Variants in PTPRC observed in about 807,000 individuals in gnomAD.
PTPRC encodes the protein receptor-type tyrosine-protein phosphatase C.
PTPRC carries 44 observed loss-of-function variants against 155.9 expected under a neutral mutation model. The observed-to-expected ratio is 0.28, with a 90% CI of 0.22 to 0.36. The LOEUF is 0.36. Among genes scored for constraint, PTPRC ranks in the 10% least tolerant of loss-of-function variants. The pLI, the probability that PTPRC is intolerant of heterozygous loss-of-function variation, is 1.00. For synonymous variants in PTPRC, 525 were observed against 533.1 expected (o/e 0.98, Z 0.21); for missense variants, 1,401 against 1,564.6 (o/e 0.90, Z 1.76).
chr1:198,680,591 A>G (rs775964387), intron 2 of PTPRC, among the ~76,000 whole-genome samples: 17 of 152,184 alleles, frequency 1.1e-4, no homozygotes, highest in Non-Finnish European at 2.4e-4. Flanking sequence ...TTAACAGGAA[A>G]GAGACACATC....
chr1:198,716,549 A>T (rs1247016390), intron 12 of PTPRC, 133 bp from the exon 13 acceptor site: 2 of 733,898 alleles, frequency 2.7e-6, no homozygotes, highest in East Asian at 5.2e-5. Context: ...AGTATCAAGG[A>T]TGTACTTATT....
chr1:198,729,769 A>G (rs895628278), intron 17 of PTPRC, among the ~76,000 whole-genome samples: 3 of 152,196 alleles, frequency 2.0e-5, no homozygotes, highest in African/African-American at 7.2e-5. Flanking sequence ...TATGACGGTA[A>G]TTTGATACAT....
intron 2 of PTPRC, among the ~76,000 whole-genome samples, chr1:198,685,066 G>A (rs72738035): frequency 0.013 from 1,986 of 152,088 alleles, 22 homozygotes; most frequent in Non-Finnish European, 0.016. Flanking sequence ...TATATCAAAT[G>A]AACTGCATGT....
chr1:198,688,097 GTC>G (rs1458855672), intron 2 of PTPRC, among the ~76,000 whole-genome samples: 1 of 151,460 alleles, frequency 6.6e-6, no homozygotes, highest in Non-Finnish European at 1.5e-5. Flanking sequence ...GTGTGTGTGT[GTC>G]TGTGTGTGTG....
intron 32 of PTPRC, 94 bp from the exon 33 acceptor site, chr1:198,755,812 C>A (rs959187222): frequency 2.6e-5 from 35 of 1,333,422 alleles, no homozygotes; most frequent in Non-Finnish European, 3.5e-5. Context: ...AATACTTCCA[C>A]AAATAAATCA....
chr1:198,675,464 GCTTGATC>G (rs1353137540), intron 2 of PTPRC, among the ~76,000 whole-genome samples: 11 of 151,934 alleles, frequency 7.2e-5, no homozygotes, highest in Admixed American at 5.9e-4. Context: ...TCTAATTTTA[GCTTGATC>G]TTCCCCCTGA....
intron 10 of PTPRC, 126 bp downstream of exon 10, chr1:198,708,387 T>C (rs1043818086): frequency 2.8e-5 from 26 of 930,658 alleles, no homozygotes; most frequent in Non-Finnish European, 3.0e-5. Context: ...TCTGTTTGTC[T>C]TTTTTCTTTC....
At chr1:198,670,206 A>G (rs1281967410) in intron 2 of PTPRC, among the ~76,000 whole-genome samples, 1 of 152,164 alleles carries the variant, frequency 6.6e-6, no homozygotes, top group South Asian at 2.1e-4. Context: ...AGTACTGAAT[A>G]TAAATGTTTC....
chr1:198,754,585 T>A, intron 32 of PTPRC, 181 bp downstream of exon 32: 1 of 720,716 alleles, frequency 1.4e-6, no homozygotes, highest in Non-Finnish European at 2.2e-6. Flanking sequence ...TAATTCACAT[T>A]AAATTATTAT....
intron 6 of PTPRC, among the ~76,000 whole-genome samples, 190 bp from the exon 7 acceptor site, chr1:198,703,108 G>A (rs1315542463): frequency 6.6e-6 from 1 of 152,130 alleles, no homozygotes; most frequent in African/African-American, 2.4e-5. Flanking sequence ...TTTATACAAT[G>A]TTTAGTTTAA....
In PTPRC at chr1:198,750,641, G is replaced by A. The variant is rs954766251; in HGVS notation, c.3207+15G>A. 1.2e-6 allele frequency: 2 copies of A among 1,611,704 alleles called. No homozygotes were observed. The highest frequency in any genetic ancestry group is 1.7e-6 in the Non-Finnish European group (2 of 1,178,460). ...ATGGAGACCAGGTTTGTACTTTTGAGGATTTTCTTTTAAGCCTTTCTGTCA... is the reference window on the plus strand; with the variant it reads ...ATGGAGACCAGGTTTGTACTTTTGAAGATTTTCTTTTAAGCCTTTCTGTCA... On this transcript the variant is annotated intron_variant, in intron 29 of 32. Coordinates refer to ENST00000442510, the MANE Select transcript of PTPRC (RefSeq NM_002838.5).
intron 2 of PTPRC, among the ~76,000 whole-genome samples, chr1:198,686,994 T>TTTG (rs71800427): frequency 3.4e-4 from 51 of 149,944 alleles, no homozygotes; most frequent in East Asian, 1.4e-3. Flanking sequence ...CAACCAATCT[T>TTTG]TTGTTGTTGT....
intron 11 of PTPRC, among the ~76,000 whole-genome samples, chr1:198,710,225 T>TCTTGC (rs1653223317): frequency 6.6e-6 from 1 of 152,212 alleles, no homozygotes; most frequent in Non-Finnish European, 1.5e-5. Context: ...CACTGAATAG[T>TCTTGC]CTTGCCATTC....
intron 11 of PTPRC, among the ~76,000 whole-genome samples, chr1:198,710,084 T>TA (rs1321227298): frequency 6.6e-6 from 1 of 152,218 alleles, no homozygotes; most frequent in African/African-American, 2.4e-5. Flanking sequence ...CATTGGCTCT[T>TA]AAATTTAGCT....
chr1:198,668,109 A>G (rs1222230443), intron 2 of PTPRC, among the ~76,000 whole-genome samples: 1 of 152,226 alleles, frequency 6.6e-6, no homozygotes, highest in African/African-American at 2.4e-5. Flanking sequence ...AGAAATAAAC[A>G]TTGGACAACC....
At chr1:198,688,141 A>G (rs1044453664) in intron 2 of PTPRC, among the ~76,000 whole-genome samples, 4 of 152,022 alleles carry the variant, frequency 2.6e-5, no homozygotes, top group Admixed American at 6.6e-5. Flanking sequence ...GTATATAAAA[A>G]TGAAATAAAA....
chr1:198,642,018 T>G (rs1176053808), intron 2 of PTPRC, among the ~76,000 whole-genome samples: 1 of 152,030 alleles, frequency 6.6e-6, no homozygotes, highest in Non-Finnish European at 1.5e-5. Flanking sequence ...GTGATTAGAA[T>G]TACTTATTAA....
At chr1:198,707,376 T>G (rs1046024920) in intron 9 of PTPRC, among the ~76,000 whole-genome samples, 1 of 152,084 alleles carries the variant, frequency 6.6e-6, no homozygotes, top group Non-Finnish European at 1.5e-5. Flanking sequence ...CCAAAATACA[T>G]TCATAAAAAG....
intron 17 of PTPRC, among the ~76,000 whole-genome samples, chr1:198,730,646 T>TTATC (rs1654343776): frequency 1.3e-5 from 2 of 152,076 alleles, no homozygotes; most frequent in African/African-American, 4.8e-5. Context: ...ATGAAATATT[T>TTATC]TATCTCAAAA....
Sources: gnomAD v4.1 joint callset for allele counts (sites outside exome capture counted in the v4.1 genomes callset) on GRCh38, gnomAD v4.1.1 for gene constraint, MANE v1.5 for transcripts, NCBI Gene and HGNC (gene_info 2026-07-23, HGNC 2026-07-21) for gene names.